VGLL3: variants seen among roughly 807,000 people sequenced by gnomAD.
The protein encoded by VGLL3 is transcription cofactor vestigial-like protein 3.
VGLL3 carries 18 observed loss-of-function variants against 29.2 expected under a neutral mutation model. The observed-to-expected ratio is 0.62, with a 90% CI of 0.43 to 0.91. The LOEUF (loss-of-function observed/expected upper bound fraction) is 0.91, where lower values mean the gene tolerates loss of function less well. VGLL3 is among the 40% of genes least tolerant of loss of function. The probability of loss-of-function intolerance (pLI) is 0.00; values close to 1 mark genes in which losing one functional copy is unlikely to be tolerated. For missense variants in VGLL3, 440 were observed against 413.2 expected (o/e 1.06, Z -0.56); for synonymous variants, 180 against 151.8 (o/e 1.19, Z -1.36).
intron 3 of VGLL3, among the ~76,000 whole-genome samples, chr3:86,947,599 A>G (rs562974364): frequency 9.2e-5 from 14 of 152,324 alleles, no homozygotes; most frequent in African/African-American, 3.1e-4. Flanking sequence ...TACTATAGTC[A>G]GTAAAATAAA....
In VGLL3 at chr3:86,945,301, A is replaced by G. The variant is rs1038796371; in HGVS notation, c.*1723T>C. On this transcript the variant is annotated 3_prime_UTR_variant, in exon 4 of 4. Coordinates refer to ENST00000398399, the MANE Select transcript of VGLL3 (RefSeq NM_016206.4). ...CAAGGAAAATATTTGAAAATTATCT[A>G]TGAGAACTCTGCCTAGCTGAACATG... is the stretch of plus-strand genomic sequence containing the variant. 20 of 152,214 alleles carry G rather than the reference A, an allele frequency of 1.3e-4. No homozygotes were observed. The East Asian group carries it at 1.3e-3, about 10-fold the overall frequency. The allele number at this position is 152,214 out of a possible 1,614,324, so 9.4% of individuals were successfully genotyped here. A position where few individuals can be genotyped will look rare whatever the true frequency, so the allele number is the denominator to read the frequency against.
chr3:86,968,275 C>T (rs1705006146), intron 3 of VGLL3, among the ~76,000 whole-genome samples: 1 of 152,144 alleles, frequency 6.6e-6, no homozygotes, highest in Non-Finnish European at 1.5e-5. Context: ...GTATAATGCT[C>T]AGAGACATGG....
At chr3:86,950,306 T>G (rs1704591127) in intron 3 of VGLL3, among the ~76,000 whole-genome samples, 1 of 152,224 alleles carries the variant, frequency 6.6e-6, no homozygotes. Flanking sequence ...ATGATTATAT[T>G]AAGCACAGTG....
rs540356358 is a variant in VGLL3, at chr3:86,968,853, A to G, written c.674T>C (p.Val225Ala). Residue 225 changes from valine (V) to alanine (A), a missense_variant, in exon 3 of 4, where the codon GTG (valine) becomes GCG (alanine). Coordinates refer to ENST00000398399, the MANE Select transcript of VGLL3 (RefSeq NM_016206.4). ...VSPSYSHMHD[V>A]YMRHHHPHAH... ...ATGAGGGTGGTGGTGCCGCATGTAC[A>G]CGTCATGCATATGGCTGTAGGATGG... is the stretch of plus-strand genomic sequence containing the variant. The G allele has an allele frequency of 6.2e-7, 1 of 1,614,114 alleles. No individual in the cohort carries two copies. Among genetic ancestry groups the G allele is most frequent in the African/African-American group, 1.3e-5 (1 of 75,012 alleles).
At chr3:86,968,498 A>T in intron 3 of VGLL3, 92 bp downstream of exon 3, 1 of 1,400,782 alleles carries the variant, frequency 7.1e-7, no homozygotes, top group Admixed American at 2.4e-5. Flanking sequence ...GTTTAACTTT[A>T]CAGATAAGAA....
intron 1 of VGLL3, among the ~76,000 whole-genome samples, chr3:86,989,878 C>T (rs550609672): frequency 4.6e-4 from 70 of 152,260 alleles, no homozygotes; most frequent in Non-Finnish European, 8.8e-4. Flanking sequence ...ACTATATCAT[C>T]TCCTCAGTTC....
At chr3:86,966,773 G>GCATA (rs1704970513) in intron 3 of VGLL3, among the ~76,000 whole-genome samples, 1 of 37,986 alleles carries the variant, frequency 2.6e-5, no homozygotes, top group Non-Finnish European at 4.9e-5. Context: ...GTGTGTGTGT[G>GCATA]TATATATATA....
At position 86,968,919 on chromosome 3, in the gene VGLL3, A is replaced by G. The variant is rs1705023788; in HGVS notation, c.608T>C (p.Val203Ala). 1 of 1,614,020 alleles carries G rather than the reference A, an allele frequency of 6.2e-7. No individual in the cohort carries two copies. Among genetic ancestry groups the G allele is most frequent in the African/African-American group, 1.3e-5 (1 of 74,900 alleles). Residue 203 changes from valine (V) to alanine (A), a missense_variant, in exon 3 of 4, where the codon GTG (valine) becomes GCG (alanine). Val to Ala is a moderately conservative substitution (Grantham distance 64). Transcript: ENST00000398399. ...HQTGPAPPPA[V>A]SESWPYPLTS... Reference sequence around the variant, plus strand: ...CAAAGGATAAGGCCAGGACTCAGACACAGCAGGGGGAGGGGCTGGGCCAGT... The same window carrying G: ...CAAAGGATAAGGCCAGGACTCAGACGCAGCAGGGGGAGGGGCTGGGCCAGT...
chr3:86,956,738 T>C (rs988062795), intron 3 of VGLL3, among the ~76,000 whole-genome samples: 1 of 137,990 alleles, frequency 7.2e-6, no homozygotes, highest in African/African-American at 2.8e-5. Context: ...TGAGCCGAGA[T>C]CGCGCCACTG....
In VGLL3 at chr3:86,941,252, G is replaced by T. The variant is rs952385275; in HGVS notation, c.*5772C>A. On this transcript the variant is annotated 3_prime_UTR_variant, in exon 4 of 4. Coordinates refer to ENST00000398399, the MANE Select transcript of VGLL3 (RefSeq NM_016206.4). ...ATATCCAATATTATACATATCCTAA[G>T]AAATTAAATCAATTGTGTAAATAAT... 6.6e-5 allele frequency: 10 copies of T among 152,058 alleles called. No homozygotes were observed. The highest frequency in any genetic ancestry group is 4.2e-4 in the South Asian group (2 of 4,802). 9.4% of individuals were successfully genotyped at this position (152,058 alleles called of 1,614,324 possible).
chr3:86,962,429 A>T (rs1412259731), intron 3 of VGLL3: 1 of 985,256 alleles, frequency 1.0e-6, no homozygotes, highest in East Asian at 1.1e-4. Flanking sequence ...CCTCACCACC[A>T]CTCAGCCCTT....
In VGLL3 at chr3:86,941,870, G is replaced by C. The variant is rs1704405546; in HGVS notation, c.*5154C>G. The C allele has an allele frequency of 6.6e-6, 1 of 151,980 alleles. No homozygotes were observed. Among genetic ancestry groups the C allele is most frequent in the Non-Finnish European group, 1.5e-5 (1 of 67,974 alleles). The allele number at this position is 151,980 out of a possible 1,614,324, so 9.4% of individuals were successfully genotyped here. A position where few individuals can be genotyped will look rare whatever the true frequency, so the allele number is the denominator to read the frequency against. ...CTCCATGACCAAGTTACCATGAAAAGTAACATTTTGAAGTTATTGAGACTG... is the reference window on the plus strand; with the variant it reads ...CTCCATGACCAAGTTACCATGAAAACTAACATTTTGAAGTTATTGAGACTG... On this transcript the variant is annotated 3_prime_UTR_variant, in exon 4 of 4. Coordinates refer to ENST00000398399, the MANE Select transcript of VGLL3 (RefSeq NM_016206.4).
At chr3:86,968,087 T>C (rs1021994772) in intron 3 of VGLL3, among the ~76,000 whole-genome samples, 3 of 151,654 alleles carry the variant, frequency 2.0e-5, no homozygotes, top group African/African-American at 4.8e-5. Context: ...AGGAAGAAAA[T>C]GAAGAAAAAA....
intron 1 of VGLL3, among the ~76,000 whole-genome samples, chr3:86,983,257 A>G (rs1286726308): frequency 6.6e-6 from 1 of 152,252 alleles, no homozygotes; most frequent in Non-Finnish European, 1.5e-5. Context: ...TTTAAAATAC[A>G]ATGATTCTTT....
intron 1 of VGLL3, among the ~76,000 whole-genome samples, chr3:86,988,623 C>T (rs1211455571): frequency 8.8e-5 from 5 of 56,698 alleles, no homozygotes; most frequent in Non-Finnish European, 1.3e-4. Context: ...TATGGTCAAA[C>T]AGTTTCTTTA....
chr3:86,940,929 T>G lies in VGLL3; in HGVS notation c.*6095A>C, dbSNP rs13356. 88,963 of 152,108 alleles carry G rather than the reference T, an allele frequency of 0.58. 26,338 individuals are homozygous for G. Among genetic ancestry groups the G allele is most frequent in the Middle Eastern group, 0.68 (199 of 294 alleles). The allele number at this position is 152,108 out of a possible 1,614,324, so 9.4% of individuals were successfully genotyped here. ...AACACAAAATTAAGGTAGCACAACT[T>G]CTTGTAGAACTAACAAGTCTGAAAG... is the stretch of plus-strand genomic sequence containing the variant. On this transcript the variant is annotated 3_prime_UTR_variant, in exon 4 of 4. Transcript: ENST00000398399.
intron 3 of VGLL3, among the ~76,000 whole-genome samples, chr3:86,956,912 G>A (rs1575863038): frequency 6.6e-6 from 1 of 151,558 alleles, no homozygotes; most frequent in Non-Finnish European, 1.5e-5. Flanking sequence ...TTAATGCTAA[G>A]ATTAAAAGAA....
intron 1 of VGLL3, 131 bp from the exon 2 acceptor site, chr3:86,978,933 G>A: frequency 1.9e-6 from 2 of 1,041,342 alleles, no homozygotes; most frequent in Non-Finnish European, 2.6e-6. Context: ...TTCTTCATCT[G>A]TTTTACTCCA....
chr3:86,959,009 T>C (rs958952494), intron 3 of VGLL3, among the ~76,000 whole-genome samples: 4 of 152,200 alleles, frequency 2.6e-5, no homozygotes, highest in Admixed American at 6.5e-5. Flanking sequence ...ATAAACTCAA[T>C]AATGACAACA....
Sources: gnomAD v4.1 joint callset for allele counts (sites outside exome capture counted in the v4.1 genomes callset) on GRCh38, gnomAD v4.1.1 for gene constraint, MANE v1.5 for transcripts, NCBI Gene and HGNC (gene_info 2026-07-23, HGNC 2026-07-21) for gene names.